RPGRIP1L: variants seen among roughly 807,000 people sequenced by gnomAD.
The protein encoded by RPGRIP1L is RPGRIP1 like, also known as protein fantom.
RPGRIP1L carries 131 observed loss-of-function variants against 160.4 expected under a neutral mutation model. The observed-to-expected ratio is 0.82, with a 90% confidence interval of 0.71 to 0.94. The LOEUF is 0.94. Ranked by LOEUF, RPGRIP1L falls within the 40% of genes least tolerant of loss-of-function variation. The probability of loss-of-function intolerance (pLI) is 0.00; values close to 1 mark genes in which losing one functional copy is unlikely to be tolerated. For synonymous variants in RPGRIP1L, 510 were observed against 515.8 expected (o/e 0.99, Z 0.15); for missense variants, 1,522 against 1,535.8 (o/e 0.99, Z 0.15).
intron 10 of RPGRIP1L, chr16:53,659,355 A>T (rs2151168060): frequency 4.8e-6 from 1 of 209,854 alleles, no homozygotes; most frequent in African/African-American, 2.4e-5. Context: ...TAGGGGGGTG[A>T]GGGATGAGAA....
intron 6 of RPGRIP1L, among the ~76,000 whole-genome samples, chr16:53,680,255 ACAGT>A (rs1969505471): frequency 1.3e-5 from 2 of 152,186 alleles, no homozygotes; most frequent in African/African-American, 4.8e-5. Flanking sequence ...GTTCAAAATA[ACAGT>A]CAGAGCATGG....
At chr16:53,684,521 C>A (rs1969847783) in intron 6 of RPGRIP1L, among the ~76,000 whole-genome samples, 1 of 151,496 alleles carries the variant, frequency 6.6e-6, no homozygotes, top group African/African-American at 2.4e-5. Flanking sequence ...CATGTTCTCA[C>A]TCATAGGTGG....
intron 22 of RPGRIP1L, among the ~76,000 whole-genome samples, chr16:53,631,939 C>T (rs1382309967): frequency 6.6e-6 from 1 of 152,112 alleles, no homozygotes; most frequent in Admixed American, 6.5e-5. Flanking sequence ...TTTATGTAGC[C>T]TGTTAAAAAA....
At chr16:53,690,197 G>T (rs977278913) in intron 4 of RPGRIP1L, among the ~76,000 whole-genome samples, 4 of 152,040 alleles carry the variant, frequency 2.6e-5, no homozygotes, top group African/African-American at 9.7e-5. Context: ...GGGCATTATA[G>T]ACTTATTTAT....
At chr16:53,649,470 A>G (rs1966800068) in intron 15 of RPGRIP1L, among the ~76,000 whole-genome samples, 1 of 152,170 alleles carries the variant, frequency 6.6e-6, no homozygotes, top group Non-Finnish European at 1.5e-5. Context: ...TTTTTAAACA[A>G]GTTGCACTCA....
chr16:53,655,038 T>G (rs1967131407), intron 14 of RPGRIP1L, among the ~76,000 whole-genome samples: 1 of 152,306 alleles, frequency 6.6e-6, no homozygotes, highest in African/African-American at 2.4e-5. Flanking sequence ...ATAATAATGG[T>G]AAAGTGTAAT....
intron 19 of RPGRIP1L, among the ~76,000 whole-genome samples, chr16:53,640,792 A>T (rs1029949419): frequency 3.3e-5 from 5 of 152,142 alleles, no homozygotes; most frequent in Non-Finnish European, 7.4e-5. Context: ...AAAAAAAAAT[A>T]GGAGCAGAGG....
intron 23 of RPGRIP1L, among the ~76,000 whole-genome samples, chr16:53,619,709 A>G (rs1231272738): frequency 6.6e-6 from 1 of 152,232 alleles, no homozygotes; most frequent in East Asian, 1.9e-4. Flanking sequence ...AGCAGAAACT[A>G]CAGTTCATTC....
chr16:53,644,718 T>C lies in RPGRIP1L; in HGVS notation c.2683+907A>G, dbSNP rs147884525. Among the ~76,000 whole-genome samples the C allele has an allele frequency of 3.1e-4, 47 of 152,296 alleles. 2 individuals are homozygous for C. The East Asian group carries it at 8.7e-3, about 28-fold the overall frequency. On this transcript the variant is annotated intron_variant, in intron 17 of 26. Coordinates refer to ENST00000647211, the MANE Select transcript of RPGRIP1L (RefSeq NM_015272.5). ...TAAACTGTTGACCAAAAATATTATATACAGCAAGACCATCCTTCAAAAAAC... is the reference window on the plus strand; with the variant it reads ...TAAACTGTTGACCAAAAATATTATACACAGCAAGACCATCCTTCAAAAAAC...
chr16:53,626,898 T>C (rs571423034), intron 22 of RPGRIP1L, among the ~76,000 whole-genome samples: 1 of 152,036 alleles, frequency 6.6e-6, no homozygotes, highest in Admixed American at 6.6e-5. Context: ...TCTGTATAGA[T>C]GGACACTATG....
rs762013869 is a variant in RPGRIP1L, at chr16:53,641,467, C to T, written c.2692G>A (p.Glu898Lys). ...AHDRCISGIF[E>K]LTDHQKHPAG... The stretch of plus-strand genomic sequence containing the variant: ...GGATGCTTTTGATGGTCTGTTAACT[C>T]AAATATTCCTGTCAAATTACAATAA... The change falls in exon 18 of 27, where the codon GAG (glutamate) becomes AAG (lysine). Residue 898 changes from glutamate (E) to lysine (K), a missense_variant. Transcript: ENST00000647211. 1 of 1,612,506 alleles carries T rather than the reference C, an allele frequency of 6.2e-7. No individual in the cohort carries two copies. Among genetic ancestry groups the T allele is most frequent in the Non-Finnish European group, 8.5e-7 (1 of 1,178,714 alleles).
intron 19 of RPGRIP1L, among the ~76,000 whole-genome samples, chr16:53,640,102 C>G (rs1473979830): frequency 6.6e-6 from 1 of 151,958 alleles, no homozygotes; most frequent in Non-Finnish European, 1.5e-5. Context: ...CAGCTGACAC[C>G]TTTTGTGGAT....
intron 24 of RPGRIP1L, among the ~76,000 whole-genome samples, chr16:53,617,508 G>A (rs1320005636): frequency 6.6e-6 from 1 of 152,152 alleles, no homozygotes. Context: ...TATACCAAGT[G>A]CATGAAATGA....
At chr16:53,623,850 T>C (rs753109638) in intron 22 of RPGRIP1L, among the ~76,000 whole-genome samples, 2 of 152,224 alleles carry the variant, frequency 1.3e-5, no homozygotes, top group African/African-American at 2.4e-5. Flanking sequence ...TCAATAAATA[T>C]TTAATGAAAT....
At chr16:53,647,736 C>T (rs1029755957) in intron 16 of RPGRIP1L, among the ~76,000 whole-genome samples, 1 of 152,176 alleles carries the variant, frequency 6.6e-6, no homozygotes. Flanking sequence ...CTTGAACAGA[C>T]ATACCAAATG....
chr16:53,610,590 C>T (rs1051489866), intron 25 of RPGRIP1L, among the ~76,000 whole-genome samples: 1 of 152,172 alleles, frequency 6.6e-6, no homozygotes, highest in Admixed American at 6.5e-5. Context: ...GGTAACTTGT[C>T]TGAGGTCAGT....
chr16:53,669,619 G>A (rs1301397852), intron 9 of RPGRIP1L, among the ~76,000 whole-genome samples: 1 of 152,022 alleles, frequency 6.6e-6, no homozygotes, highest in Non-Finnish European at 1.5e-5. Context: ...TTCCAAGTAA[G>A]TATGTTCAGC....
At chr16:53,649,245 C>A in intron 15 of RPGRIP1L, 130 bp from the exon 16 acceptor site, 1 of 714,912 alleles carries the variant, frequency 1.4e-6, no homozygotes, top group Non-Finnish European at 2.4e-6. Flanking sequence ...ATGACTTGCA[C>A]AAATGATGTG....
intron 6 of RPGRIP1L, among the ~76,000 whole-genome samples, chr16:53,683,651 G>T (rs1037827867): frequency 3.3e-5 from 5 of 150,382 alleles, no homozygotes; most frequent in Non-Finnish European, 7.4e-5. Flanking sequence ...TGTATGTGGG[G>T]GTTCAATATA....
Sources: allele counts gnomAD v4.1 joint callset (sites outside exome capture counted in the v4.1 genomes callset), GRCh38; gene constraint gnomAD v4.1.1; transcripts MANE v1.5; gene names NCBI Gene and HGNC (gene_info 2026-07-23, HGNC 2026-07-21).